PPP2R2B: variants seen among roughly 807,000 people sequenced by gnomAD.
The protein encoded by PPP2R2B is serine/threonine-protein phosphatase 2A 55 kDa regulatory subunit B beta isoform.
PPP2R2B carries 5 observed loss-of-function variants against 46.0 expected under a neutral mutation model. The ratio of observed to expected loss-of-function variants is 0.11; its 90% CI spans 0.06 to 0.23. PPP2R2B has a LOEUF of 0.23. PPP2R2B is among the 10% of genes least tolerant of loss of function. The pLI is 1.00. For synonymous variants in PPP2R2B, 215 were observed against 206.7 expected (o/e 1.04, Z -0.34); for missense variants, 367 against 575.0 (o/e 0.64, Z 3.70).
chr5:146,733,665 G>A (rs1016254776), intron 2 of PPP2R2B, among the ~76,000 whole-genome samples: 6 of 151,966 alleles, frequency 3.9e-5, no homozygotes, highest in Admixed American at 1.3e-4. Flanking sequence ...AGTTTGAGAA[G>A]GTCATAAGTA....
chr5:147,046,973 A>G (rs1162718788), intron 1 of PPP2R2B, among the ~76,000 whole-genome samples: 1 of 152,102 alleles, frequency 6.6e-6, no homozygotes, highest in Non-Finnish European at 1.5e-5. Context: ...TTCCCAAAGC[A>G]CATATCACTT....
intron 2 of PPP2R2B, among the ~76,000 whole-genome samples, chr5:147,072,456 T>G (rs1757629196): frequency 1.3e-5 from 2 of 152,184 alleles, no homozygotes; most frequent in South Asian, 4.1e-4. Context: ...AAGCCCCTGC[T>G]TGGTGTCAGG....
At chr5:146,652,593 G>T (rs1776047826) in intron 5 of PPP2R2B, among the ~76,000 whole-genome samples, 1 of 152,156 alleles carries the variant, frequency 6.6e-6, no homozygotes, top group Non-Finnish European at 1.5e-5. Context: ...GATTTAACCA[G>T]GCCAGGAGGG....
chr5:147,034,400 T>C (rs552192285), intron 1 of PPP2R2B, among the ~76,000 whole-genome samples: 1 of 152,290 alleles, frequency 6.6e-6, no homozygotes, highest in East Asian at 1.9e-4. Context: ...TTTCCCAGCA[T>C]CTAAAATAAT....
intron 2 of PPP2R2B, chr5:146,706,353 C>T: frequency 1.6e-6 from 1 of 612,966 alleles, no homozygotes; most frequent in Non-Finnish European, 3.0e-6. Flanking sequence ...TAGCTGAGGC[C>T]AGAGCCTGTG....
chr5:146,615,757 T>C (rs1022773858), intron 7 of PPP2R2B, among the ~76,000 whole-genome samples: 1 of 152,026 alleles, frequency 6.6e-6, no homozygotes, highest in African/African-American at 2.4e-5. Context: ...ACACAAAAAA[T>C]GGAAAGATAT....
chr5:146,780,874 C>G (rs184360053), intron 2 of PPP2R2B, among the ~76,000 whole-genome samples: 1 of 151,972 alleles, frequency 6.6e-6, no homozygotes, highest in Admixed American at 6.6e-5. Context: ...TTGTATATAT[C>G]TCACACCTCT....
chr5:147,001,282 T>C (rs142954266), intron 1 of PPP2R2B, among the ~76,000 whole-genome samples: 311 of 152,322 alleles, frequency 2.0e-3, no homozygotes, highest in African/African-American at 7.2e-3. Flanking sequence ...ATCTTGCTGC[T>C]GCTCACTCTT....
At chr5:146,992,563 C>T (rs1349757745) in intron 1 of PPP2R2B, among the ~76,000 whole-genome samples, 1 of 152,172 alleles carries the variant, frequency 6.6e-6, no homozygotes, top group Non-Finnish European at 1.5e-5. Context: ...CATTAGGCCT[C>T]TTATACCCCT....
At chr5:146,793,366 T>C (rs571757638) in intron 2 of PPP2R2B, among the ~76,000 whole-genome samples, 1 of 152,340 alleles carries the variant, frequency 6.6e-6, no homozygotes, top group East Asian at 1.9e-4. Context: ...AATTCAGGAC[T>C]GGACTAAAAA....
intron 5 of PPP2R2B, among the ~76,000 whole-genome samples, chr5:146,652,641 G>T (rs1581796775): frequency 6.6e-6 from 1 of 152,094 alleles, no homozygotes; most frequent in East Asian, 1.9e-4. Context: ...ATGTGCAAAG[G>T]TCCCGTGATA....
intron 1 of PPP2R2B, among the ~76,000 whole-genome samples, chr5:146,913,787 T>A (rs1763277991): frequency 1.3e-5 from 2 of 152,226 alleles, no homozygotes; most frequent in African/African-American, 2.4e-5. Flanking sequence ...AACTCTTAAA[T>A]CCTTTAGTGA....
intron 2 of PPP2R2B, among the ~76,000 whole-genome samples, chr5:146,720,386 C>A (rs970398164): frequency 1.3e-5 from 2 of 152,206 alleles, no homozygotes; most frequent in African/African-American, 4.8e-5. Flanking sequence ...TATTCACTCA[C>A]CCTGAATCTT....
intron 6 of PPP2R2B, among the ~76,000 whole-genome samples, chr5:146,643,724 C>G (rs538485315): frequency 2.0e-5 from 3 of 152,220 alleles, no homozygotes; most frequent in South Asian, 4.2e-4. Flanking sequence ...ACCACCTGTT[C>G]CTTAAAACCT....
intron 1 of PPP2R2B, among the ~76,000 whole-genome samples, chr5:146,941,683 G>C (rs924078462): frequency 1.3e-5 from 2 of 152,174 alleles, no homozygotes; most frequent in Non-Finnish European, 2.9e-5. Context: ...ACAGTTAATA[G>C]AGGAGTTTGC....
chr5:146,915,325 G>C (rs1260994034), intron 1 of PPP2R2B, among the ~76,000 whole-genome samples: 1 of 151,978 alleles, frequency 6.6e-6, no homozygotes, highest in Non-Finnish European at 1.5e-5. Flanking sequence ...AATTCAAATT[G>C]CTCACCCTGG....
rs35054666 is a variant in PPP2R2B, at chr5:146,768,888, C to CTT, written c.71-67748_71-67747dup. On this transcript the variant is annotated intron_variant, in intron 2 of 9. Transcript: ENST00000394411. ...ATCGTCAGGCAAAGATTTGTTGTTA[C>CTT]TTTTTTTTTTTTTTGAGACAGTCTC... Among the ~76,000 whole-genome samples the CTT allele has an allele frequency of 8.8e-3, 1,283 of 145,254 alleles. 7 individuals are homozygous for CTT. Among genetic ancestry groups the CTT allele is most frequent in the Non-Finnish European group, 0.014 (921 of 66,430 alleles).
intron 5 of PPP2R2B, among the ~76,000 whole-genome samples, chr5:146,684,299 A>G (rs1384755977): frequency 2.0e-5 from 3 of 152,218 alleles, no homozygotes; most frequent in Non-Finnish European, 4.4e-5. Context: ...TATACCGAAA[A>G]TTAAAACCTG....
intron 1 of PPP2R2B, among the ~76,000 whole-genome samples, chr5:146,979,992 T>C (rs1219583455): frequency 6.6e-6 from 1 of 152,222 alleles, no homozygotes; most frequent in Non-Finnish European, 1.5e-5. Context: ...TTGTTTTATT[T>C]TTTAATATGG....
Sources: allele counts gnomAD v4.1 joint callset (sites outside exome capture counted in the v4.1 genomes callset), GRCh38; gene constraint gnomAD v4.1.1; transcripts MANE v1.5; gene names NCBI Gene and HGNC (gene_info 2026-07-23, HGNC 2026-07-21).